Variants in TMEM117 observed in about 807,000 individuals in gnomAD.
The protein encoded by TMEM117 is transmembrane protein 117.
Under a neutral mutation model 52.4 loss-of-function variants are expected in TMEM117, and 27 were observed. The observed-to-expected ratio is 0.51, with a 90% CI of 0.38 to 0.71. The LOEUF (loss-of-function observed/expected upper bound fraction) is 0.71, where lower values mean the gene tolerates loss of function less well. TMEM117 is among the 30% of genes least tolerant of loss of function. The probability of loss-of-function intolerance (pLI) is 0.00; values close to 1 mark genes in which losing one functional copy is unlikely to be tolerated. For missense variants in TMEM117, 556 were observed against 630.5 expected, an observed-to-expected ratio of 0.88 and a Z score of 1.26; for synonymous variants, 215 against 206.3, an observed-to-expected ratio of 1.04 and a Z score of -0.36.
At position 44,327,274 on chromosome 12, in the gene TMEM117, A is replaced by G. The variant is rs191264367; in HGVS notation, c.768+27535A>G. On this transcript the variant is annotated intron_variant, in intron 6 of 7. Transcript: ENST00000266534. ...CCATTGTTGAAATTTGAATGAATTT[A>G]TAGTACATTCAGGTATAAAACTATC... is the stretch of plus-strand genomic sequence containing the variant. Among the ~76,000 whole-genome samples the G allele has an allele frequency of 7.2e-5, 11 of 152,342 alleles. No individual in the cohort carries two copies. In the East Asian group the frequency reaches 2.1e-3, roughly 29 times the overall value.
chr12:43,928,863 C>T (rs1169248444), intron 2 of TMEM117, among the ~76,000 whole-genome samples: 27 of 151,096 alleles, frequency 1.8e-4, no homozygotes, highest in Non-Finnish European at 2.5e-4. Context: ...TTTGTTCTTG[C>T]GATAGTTTAC....
chr12:44,102,550 A>G (rs1363656950), intron 3 of TMEM117, among the ~76,000 whole-genome samples: 3 of 149,618 alleles, frequency 2.0e-5, no homozygotes, highest in Non-Finnish European at 3.0e-5. Flanking sequence ...TTTTTCTTCC[A>G]TTTGTTCTCT....
intron 3 of TMEM117, among the ~76,000 whole-genome samples, chr12:44,041,663 A>C (rs1040281440): frequency 6.6e-6 from 1 of 152,156 alleles, no homozygotes; most frequent in East Asian, 1.9e-4. Context: ...ACAGAGACAC[A>C]GTGAAAAAAG....
chr12:44,276,424 TA>T (rs1461093077), intron 5 of TMEM117, among the ~76,000 whole-genome samples: 4 of 152,090 alleles, frequency 2.6e-5, no homozygotes, highest in Admixed American at 6.6e-5. Context: ...ATCTCACTTA[TA>T]AGTGAAATCT....
At chr12:44,371,182 G>A (rs1951859204) in intron 6 of TMEM117, among the ~76,000 whole-genome samples, 2 of 152,184 alleles carry the variant, frequency 1.3e-5, no homozygotes, top group African/African-American at 4.8e-5. Context: ...CTAGGACACT[G>A]CTAAGCATAG....
intron 2 of TMEM117, among the ~76,000 whole-genome samples, chr12:43,909,713 C>T (rs972235047): frequency 7.2e-5 from 11 of 151,778 alleles, no homozygotes; most frequent in African/African-American, 2.2e-4. Context: ...ATACTACAAA[C>T]ACCTCTACGC....
chr12:43,856,735 T>C (rs974415687), intron 2 of TMEM117, among the ~76,000 whole-genome samples: 1 of 152,202 alleles, frequency 6.6e-6, no homozygotes, highest in Non-Finnish European at 1.5e-5. Context: ...GTGTCAAAAT[T>C]TGTTTACCCA....
At chr12:44,150,148 A>G (rs1013500766) in intron 4 of TMEM117, among the ~76,000 whole-genome samples, 2 of 152,302 alleles carry the variant, frequency 1.3e-5, no homozygotes, top group Admixed American at 6.5e-5. Context: ...CATTACTTAT[A>G]CAGTGAAAAT....
At chr12:44,068,583 T>C (rs1367598292) in intron 3 of TMEM117, among the ~76,000 whole-genome samples, 3 of 152,188 alleles carry the variant, frequency 2.0e-5, no homozygotes, top group Non-Finnish European at 4.4e-5. Flanking sequence ...GGTAGGGCAG[T>C]CAGAAGACAC....
chr12:44,076,041 C>G (rs1505583), intron 3 of TMEM117, among the ~76,000 whole-genome samples: 7,675 of 152,236 alleles, frequency 0.05, 628 homozygotes, highest in African/African-American at 0.17. Flanking sequence ...TCAGCTGATG[C>G]AATCACTGCC....
chr12:44,013,040 T>C (rs1248068602), intron 3 of TMEM117, among the ~76,000 whole-genome samples: 2 of 151,756 alleles, frequency 1.3e-5, no homozygotes, highest in East Asian at 3.9e-4. Context: ...TTTTTTTTTT[T>C]TAGACAGGGT....
intron 6 of TMEM117, among the ~76,000 whole-genome samples, chr12:44,304,903 C>T (rs575736960): frequency 2.1e-4 from 32 of 152,246 alleles, no homozygotes; most frequent in Admixed American, 1.1e-3. Context: ...GTGGCCATGG[C>T]GAGATATTCC....
chr12:43,961,773 G>A (rs1446929521), intron 3 of TMEM117, among the ~76,000 whole-genome samples: 1 of 152,122 alleles, frequency 6.6e-6, no homozygotes, highest in Admixed American at 6.6e-5. Context: ...ATACGATAAT[G>A]AATATCTTTA....
intron 3 of TMEM117, among the ~76,000 whole-genome samples, chr12:44,035,031 A>G (rs959728220): frequency 2.0e-5 from 3 of 152,178 alleles, no homozygotes; most frequent in Admixed American, 6.5e-5. Context: ...TGGAATTTCC[A>G]CTATCAGCTC....
intron 3 of TMEM117, among the ~76,000 whole-genome samples, chr12:44,121,559 A>G (rs1386849319): frequency 6.6e-6 from 1 of 152,142 alleles, no homozygotes; most frequent in African/African-American, 2.4e-5. Context: ...CTAGCTTAAC[A>G]TATTGTACAA....
intron 1 of TMEM117, among the ~76,000 whole-genome samples, chr12:43,843,160 G>T (rs546090847): frequency 6.6e-6 from 1 of 151,204 alleles, no homozygotes; most frequent in South Asian, 2.1e-4. Context: ...GCTTTGTAAA[G>T]GACCCTCTTC....
chr12:44,290,263 CT>C (rs1179936313), intron 5 of TMEM117, among the ~76,000 whole-genome samples: 1 of 152,058 alleles, frequency 6.6e-6, no homozygotes, highest in Non-Finnish European at 1.5e-5. Context: ...TTTTTTGCCT[CT>C]GCTTTTTGTG....
chr12:44,067,046 C>T (rs1346022247), intron 3 of TMEM117, among the ~76,000 whole-genome samples: 1 of 152,160 alleles, frequency 6.6e-6, no homozygotes, highest in Non-Finnish European at 1.5e-5. Flanking sequence ...GGAGTAGGTT[C>T]CATCTCAAGA....
At chr12:44,004,203 C>T (rs748097863) in intron 3 of TMEM117, among the ~76,000 whole-genome samples, 2 of 152,216 alleles carry the variant, frequency 1.3e-5, no homozygotes, top group South Asian at 2.1e-4. Flanking sequence ...TGGACCTGCA[C>T]GATAAGCTTT....
Sources: gnomAD v4.1 joint callset for allele counts (sites outside exome capture counted in the v4.1 genomes callset) on GRCh38, gnomAD v4.1.1 for gene constraint, MANE v1.5 for transcripts, NCBI Gene and HGNC (gene_info 2026-07-23, HGNC 2026-07-21) for gene names.